The following IMMP2L variants were observed in gnomAD, a reference collection of about 807,000 sequenced individuals.
IMMP2L encodes mitochondrial inner membrane protease subunit 2.
Under a neutral mutation model 19.3 loss-of-function variants are expected in IMMP2L, and 18 were observed. The observed-to-expected ratio is 0.93, with a 90% CI of 0.64 to 1.38. The LOEUF (loss-of-function observed/expected upper bound fraction) is 1.38, where lower values mean the gene tolerates loss of function less well. IMMP2L is among the 40% of genes most tolerant of loss of function. IMMP2L has a pLI of 0.00. For missense variants in IMMP2L, 233 were observed against 218.2 expected, an observed-to-expected ratio of 1.07 and a Z score of -0.43; for synonymous variants, 76 against 73.0, an observed-to-expected ratio of 1.04 and a Z score of -0.21.
intron 3 of IMMP2L, among the ~76,000 whole-genome samples, chr7:111,471,616 T>C (rs1841278866): frequency 6.6e-6 from 1 of 152,164 alleles, no homozygotes; most frequent in Non-Finnish European, 1.5e-5. Flanking sequence ...TTTAGATCTA[T>C]TGGGTTAGAA....
intron 5 of IMMP2L, among the ~76,000 whole-genome samples, chr7:110,783,411 C>A (rs1223194170): frequency 1.3e-5 from 2 of 151,826 alleles, no homozygotes; most frequent in East Asian, 1.9e-4. Flanking sequence ...GTAATCTGTT[C>A]TTTCTAGCTC....
intron 2 of IMMP2L, among the ~76,000 whole-genome samples, chr7:111,501,427 A>G (rs1338607316): frequency 6.6e-6 from 1 of 152,318 alleles, no homozygotes; most frequent in African/African-American, 2.4e-5. Flanking sequence ...GAACTTCCCC[A>G]GTCTAGCAAG....
chr7:111,326,028 T>G (rs1380547174), intron 3 of IMMP2L, among the ~76,000 whole-genome samples: 2 of 151,810 alleles, frequency 1.3e-5, no homozygotes, highest in Non-Finnish European at 2.9e-5. Context: ...TAAAACATGC[T>G]GTGTTTAAAT....
intron 3 of IMMP2L, among the ~76,000 whole-genome samples, chr7:111,082,903 T>C (rs966868984): frequency 3.3e-5 from 5 of 151,880 alleles, no homozygotes; most frequent in African/African-American, 1.2e-4. Context: ...TGTTTGATTG[T>C]ATTTTACATT....
chr7:111,429,703 A>T (rs992916918), intron 3 of IMMP2L, among the ~76,000 whole-genome samples: 1 of 151,758 alleles, frequency 6.6e-6, no homozygotes, highest in Non-Finnish European at 1.5e-5. Context: ...TTAAATTGAG[A>T]CTCCCACAAC....
At chr7:111,439,768 T>C (rs924747826) in intron 3 of IMMP2L, among the ~76,000 whole-genome samples, 1 of 151,918 alleles carries the variant, frequency 6.6e-6, no homozygotes, top group Non-Finnish European at 1.5e-5. Flanking sequence ...CTTCTCTTCA[T>C]GAAAGATTTC....
chr7:111,233,422 T>C (rs1813934746), intron 3 of IMMP2L, among the ~76,000 whole-genome samples: 1 of 152,050 alleles, frequency 6.6e-6, no homozygotes, highest in African/African-American at 2.4e-5. Context: ...GAAATCAGAA[T>C]TTGAGGAAAT....
At chr7:110,791,301 G>C (rs1420510683) in intron 5 of IMMP2L, among the ~76,000 whole-genome samples, 1 of 151,450 alleles carries the variant, frequency 6.6e-6, no homozygotes, top group Non-Finnish European at 1.5e-5. Context: ...CACTGGCTTG[G>C]TGCTATCCAA....
rs966130996 is a variant in IMMP2L, at chr7:111,350,234, G to A, written c.239+137004C>T. Among the ~76,000 whole-genome samples the A allele has an allele frequency of 8.6e-5, 13 of 152,006 alleles. No homozygotes were observed. The East Asian group carries it at 2.5e-3, about 29-fold the overall frequency. On this transcript the variant is annotated intron_variant, in intron 3 of 5. Coordinates refer to ENST00000405709, the MANE Select transcript of IMMP2L (RefSeq NM_032549.4). ...ACCTGCCTCAGCCTCCCAAAGTGCT[G>A]GGATTATAGGCGTGAGCCACCACAC... is the stretch of plus-strand genomic sequence containing the variant.
chr7:110,992,547 G>T (rs966911331), intron 3 of IMMP2L, among the ~76,000 whole-genome samples: 1 of 151,782 alleles, frequency 6.6e-6, no homozygotes, highest in East Asian at 1.9e-4. Flanking sequence ...AGCCATATTT[G>T]AAATTCAAAT....
At chr7:111,061,507 G>T (rs918804463) in intron 3 of IMMP2L, among the ~76,000 whole-genome samples, 15 of 152,096 alleles carry the variant, frequency 9.9e-5, no homozygotes, top group Non-Finnish European at 2.2e-4. Flanking sequence ...CTTAAAGGGT[G>T]GCCAGGGGTA....
intron 1 of IMMP2L, among the ~76,000 whole-genome samples, chr7:111,558,398 A>G (rs1470111911): frequency 6.6e-6 from 1 of 152,178 alleles, no homozygotes; most frequent in East Asian, 1.9e-4. Flanking sequence ...TGTGTCTAGG[A>G]CTTTGAGGAA....
At position 111,506,352 on chromosome 7, in the gene IMMP2L, T is replaced by C. The variant is rs535053174; in HGVS notation, c.135+14961A>G. On this transcript the variant is annotated intron_variant, in intron 2 of 5. Transcript: ENST00000405709. ...TCAACACCCTTAAAATGTTGTAGAC[T>C]TCCCATTAATCTAGTTGGGGCTCAT... is the stretch of plus-strand genomic sequence containing the variant. Among the ~76,000 whole-genome samples, 463 of 152,244 alleles carry C rather than the reference T, an allele frequency of 3.0e-3. 3 individuals carry two copies. The highest frequency in any genetic ancestry group is 5.4e-3 in the South Asian group (26 of 4,826).
intron 3 of IMMP2L, among the ~76,000 whole-genome samples, chr7:111,066,083 A>C (rs932736298): frequency 6.6e-6 from 1 of 150,702 alleles, no homozygotes; most frequent in African/African-American, 2.4e-5. Context: ...GGTTCAAGCA[A>C]TTCTCCTACC....
chr7:110,729,471 T>A (rs1369905730), intron 5 of IMMP2L, among the ~76,000 whole-genome samples: 3 of 152,126 alleles, frequency 2.0e-5, no homozygotes, highest in African/African-American at 7.2e-5. Context: ...TTCAGTCACC[T>A]CCCACTGGGT....
At chr7:110,799,138 C>G (rs1801070796) in intron 5 of IMMP2L, among the ~76,000 whole-genome samples, 1 of 151,976 alleles carries the variant, frequency 6.6e-6, no homozygotes, top group Admixed American at 6.6e-5. Flanking sequence ...CCCTTTGATA[C>G]TATTAGCCCG....
At chr7:111,349,774 C>T (rs986220931) in intron 3 of IMMP2L, among the ~76,000 whole-genome samples, 2 of 151,974 alleles carry the variant, frequency 1.3e-5, no homozygotes, top group Admixed American at 6.6e-5. Context: ...CTTAGTAGGG[C>T]CAAATCATGA....
At chr7:110,733,189 G>A (rs1169049159) in intron 5 of IMMP2L, among the ~76,000 whole-genome samples, 1 of 152,170 alleles carries the variant, frequency 6.6e-6, no homozygotes, top group Admixed American at 6.5e-5. Context: ...GCTGTCTGGT[G>A]CTAGTACGAC....
intron 5 of IMMP2L, among the ~76,000 whole-genome samples, chr7:110,857,366 C>T (rs1283255076): frequency 2.0e-5 from 3 of 152,062 alleles, no homozygotes; most frequent in Admixed American, 6.6e-5. Flanking sequence ...TAGTTCTCCC[C>T]TTAATCAGCA....
Sources: gnomAD v4.1 joint callset for allele counts (sites outside exome capture counted in the v4.1 genomes callset) on GRCh38, gnomAD v4.1.1 for gene constraint, MANE v1.5 for transcripts, NCBI Gene and HGNC (gene_info 2026-07-23, HGNC 2026-07-21) for gene names.